Variants in CADM2 observed in about 807,000 individuals in gnomAD.
The protein encoded by CADM2 is cell adhesion molecule 2.
In CADM2, 12 loss-of-function variants were observed where a neutral mutation model predicts 49.8. The ratio of observed to expected loss-of-function variants is 0.24; its 90% CI spans 0.15 to 0.39. The LOEUF (loss-of-function observed/expected upper bound fraction) is 0.39. Among genes scored for constraint, CADM2 ranks in the 10% least tolerant of loss-of-function variants. The probability of loss-of-function intolerance (pLI) is 1.00; values close to 1 mark genes in which losing one functional copy is unlikely to be tolerated. For synonymous variants in CADM2, 214 were observed against 175.4 expected (o/e 1.22, Z -1.74); for missense variants, 378 against 492.3 (o/e 0.77, Z 2.20).
chr3:85,512,487 A>G (rs1391207139), intron 1 of CADM2, among the ~76,000 whole-genome samples: 1 of 152,016 alleles, frequency 6.6e-6, no homozygotes, highest in Non-Finnish European at 1.5e-5. Context: ...TTGTTTTGTT[A>G]TGACATCAAT....
Position 86,067,763 on chromosome 3 carries a change from A to T in CADM2, c.*980A>T, listed in dbSNP as rs985972874. ...GTAAGCATTTTCTAACGTCCATTAT[A>T]TCCCTTTAGGTATTACTTAAACCAA... On this transcript the variant is annotated 3_prime_UTR_variant, in exon 10 of 10. Coordinates refer to ENST00000383699, the MANE Select transcript of CADM2 (RefSeq NM_001167675.2). 2.6e-5 allele frequency: 4 copies of T among 152,486 alleles called. No individual in the cohort carries two copies. Among genetic ancestry groups the T allele is most frequent in the Non-Finnish European group, 5.9e-5 (4 of 67,918 alleles). The allele number at this position is 152,486 out of a possible 1,614,324, so 9.4% of individuals were successfully genotyped here.
intron 2 of CADM2, among the ~76,000 whole-genome samples, chr3:85,789,312 A>G (rs1318340463): frequency 6.6e-6 from 1 of 152,274 alleles, no homozygotes; most frequent in East Asian, 1.9e-4. Context: ...TGCCTCTCAA[A>G]TGTTCATCAG....
intron 1 of CADM2, among the ~76,000 whole-genome samples, chr3:85,508,951 T>G (rs1421710485): frequency 2.0e-5 from 3 of 152,078 alleles, no homozygotes; most frequent in Non-Finnish European, 4.4e-5. Context: ...TATTTAAATT[T>G]TAGCCCTAAA....
intron 1 of CADM2, among the ~76,000 whole-genome samples, chr3:85,232,281 G>A (rs1316324089): frequency 6.6e-6 from 1 of 151,818 alleles, no homozygotes; most frequent in Non-Finnish European, 1.5e-5. Context: ...AGATCCTTGG[G>A]GACAACATGA....
chr3:85,633,546 T>C (rs1484674572), intron 1 of CADM2, among the ~76,000 whole-genome samples: 1 of 152,054 alleles, frequency 6.6e-6, no homozygotes, highest in Non-Finnish European at 1.5e-5. Flanking sequence ...CAATTAGATC[T>C]GAATTTTTAA....
chr3:85,380,095 A>G (rs887006342), intron 1 of CADM2, among the ~76,000 whole-genome samples: 15 of 152,032 alleles, frequency 9.9e-5, no homozygotes, highest in African/African-American at 3.4e-4. Context: ...TACATAAATC[A>G]TCTTGGTTAT....
At chr3:85,589,240 T>C (rs1022520728) in intron 1 of CADM2, among the ~76,000 whole-genome samples, 4 of 152,006 alleles carry the variant, frequency 2.6e-5, no homozygotes, top group African/African-American at 9.7e-5. Context: ...ATGTGAGAGT[T>C]CCAACCTTGT....
At chr3:85,122,859 C>G (rs567177089) in intron 1 of CADM2, among the ~76,000 whole-genome samples, 1 of 151,978 alleles carries the variant, frequency 6.6e-6, no homozygotes, top group African/African-American at 2.4e-5. Flanking sequence ...GGCTCTTATT[C>G]ATTGTCTTCT....
chr3:85,279,399 A>G (rs1344987615), intron 1 of CADM2, among the ~76,000 whole-genome samples: 1 of 151,542 alleles, frequency 6.6e-6, no homozygotes, highest in African/African-American at 2.4e-5. Flanking sequence ...TCAAAATACC[A>G]TGATAGAAGA....
At chr3:85,623,156 A>C (rs187823884) in intron 1 of CADM2, among the ~76,000 whole-genome samples, 6 of 152,110 alleles carry the variant, frequency 3.9e-5, no homozygotes, top group African/African-American at 1.4e-4. Flanking sequence ...ACTTAACACC[A>C]CTAGTTTCAA....
chr3:85,662,490 A>C (rs1220650491), intron 1 of CADM2, among the ~76,000 whole-genome samples: 1 of 150,908 alleles, frequency 6.6e-6, no homozygotes, highest in African/African-American at 2.4e-5. Context: ...TTCTCAAACC[A>C]CTCCTCTCCC....
At chr3:85,488,824 T>C (rs1045260938) in intron 1 of CADM2, among the ~76,000 whole-genome samples, 1 of 152,124 alleles carries the variant, frequency 6.6e-6, no homozygotes, top group African/African-American at 2.4e-5. Context: ...CCACCGTGCC[T>C]GGCCTATTTA....
chr3:85,051,647 C>G (rs1228848014), intron 1 of CADM2, among the ~76,000 whole-genome samples: 1 of 152,104 alleles, frequency 6.6e-6, no homozygotes, highest in Admixed American at 6.6e-5. Flanking sequence ...AGAAATAACT[C>G]CTAGCCTCCT....
chr3:85,766,778 A>G (rs1296231746), intron 2 of CADM2, among the ~76,000 whole-genome samples: 1 of 152,110 alleles, frequency 6.6e-6, no homozygotes, highest in Non-Finnish European at 1.5e-5. Context: ...CCATAATTAT[A>G]TTGTTGAATA....
intron 1 of CADM2, among the ~76,000 whole-genome samples, chr3:85,667,371 AG>A (rs2065599897): frequency 6.6e-6 from 1 of 152,008 alleles, no homozygotes; most frequent in Admixed American, 6.6e-5. Context: ...AAGATATTTT[AG>A]ATTCTTTTTC....
chr3:85,561,226 A>T (rs1187698724), intron 1 of CADM2, among the ~76,000 whole-genome samples: 1 of 107,860 alleles, frequency 9.3e-6, no homozygotes, highest in Admixed American at 1.0e-4. Flanking sequence ...GTCTGTGACT[A>T]TTTAACAGTT....
At chr3:85,855,602 CAT>C (rs10537642) in intron 3 of CADM2, among the ~76,000 whole-genome samples, 5,305 of 129,018 alleles carry the variant, frequency 0.041, 467 homozygotes, top group African/African-American at 0.14. Context: ...ATATATAAAA[CAT>C]ATATATATAT....
intron 1 of CADM2, among the ~76,000 whole-genome samples, chr3:85,551,726 T>A (rs1375427819): frequency 6.6e-6 from 1 of 152,194 alleles, no homozygotes; most frequent in Non-Finnish European, 1.5e-5. Flanking sequence ...CAATCCTTTT[T>A]CGAGTACCTT....
chr3:85,576,732 T>A (rs1439380213), intron 1 of CADM2, among the ~76,000 whole-genome samples: 1 of 152,134 alleles, frequency 6.6e-6, no homozygotes, highest in East Asian at 1.9e-4. Context: ...TTGACCAAAA[T>A]TATACATTTC....
Sources: gnomAD v4.1 joint callset for allele counts (sites outside exome capture counted in the v4.1 genomes callset) on GRCh38, gnomAD v4.1.1 for gene constraint, MANE v1.5 for transcripts, NCBI Gene and HGNC (gene_info 2026-07-23, HGNC 2026-07-21) for gene names.